The following FGF14 variants were observed in gnomAD, a reference collection of about 807,000 sequenced individuals.
FGF14 encodes the protein fibroblast growth factor homologous factor 4.
Under a neutral mutation model 25.5 loss-of-function variants are expected in FGF14, and 5 were observed. The ratio of observed to expected loss-of-function variants is 0.20; its 90% CI spans 0.10 to 0.41. FGF14 has a LOEUF of 0.41. FGF14 is among the 10% of genes least tolerant of loss of function. FGF14 has a pLI of 1.00. For missense variants in FGF14, 222 were observed against 320.1 expected, an observed-to-expected ratio of 0.69 and a Z score of 2.34; for synonymous variants, 138 against 118.3, an observed-to-expected ratio of 1.17 and a Z score of -1.08.
In FGF14 at chr13:101,869,816, T is replaced by C. The variant is rs1351260242; in HGVS notation, c.305-988A>G. 2.6e-5 allele frequency among the ~76,000 whole-genome samples: 4 copies of C among 152,156 alleles called. No homozygotes were observed. The South Asian group carries it at 6.2e-4, about 24-fold the overall frequency. The stretch of plus-strand genomic sequence containing the variant: ...GCACAAAACCAAGTCATTTGAAAAA[T>C]GTGGGCAATTTGGACTTCATTCCAA... On this transcript the variant is annotated intron_variant, in intron 2 of 4. Coordinates refer to ENST00000376143, the MANE Select transcript of FGF14 (RefSeq NM_004115.4).
rs569219541 is a variant in FGF14 at position 102,383,392 on chromosome 13, A to G, written c.208+18079T>C. On this transcript the variant is annotated intron_variant, in intron 1 of 4. Coordinates refer to the FGF14 transcript ENST00000376131. ...AAAGGCCCTAAAAGCATTGTCAATC[A>G]GCTTTGTTGGACAATAAACCAATTT... 1.5e-3 allele frequency among the ~76,000 whole-genome samples: 230 copies of G among 152,342 alleles called. 3 individuals are homozygous for G. Among genetic ancestry groups the G allele is most frequent in the African/African-American group, 5.1e-3 (212 of 41,590 alleles).
chr13:102,026,041 A>G (rs2040907891), intron 1 of FGF14, among the ~76,000 whole-genome samples: 1 of 151,988 alleles, frequency 6.6e-6, no homozygotes, highest in Non-Finnish European at 1.5e-5. Flanking sequence ...TCTAGGGGGA[A>G]ATCATTCAGT....
chr13:101,783,234 G>A (rs1028910246), intron 3 of FGF14, among the ~76,000 whole-genome samples: 2 of 152,084 alleles, frequency 1.3e-5, no homozygotes, highest in African/African-American at 4.8e-5. Flanking sequence ...CACTTTGGGA[G>A]GCTGAGGCGG....
Position 101,916,550 on chromosome 13 carries a change from G to A in FGF14, c.96C>T (p.Ser32=). Residue 32 remains serine, a synonymous_variant, in exon 1 of 5, where the codon AGC becomes AGT. Coordinates refer to ENST00000376143, the MANE Select transcript of FGF14 (RefSeq NM_004115.4). ...DRPSASRRRS[S]PSKNRGLCNG... is the part of the protein sequence containing the mutation. ...TGCAGAGCCCGCGGTTCTTGCTGGG[G>A]CTGCTCCGCCTCCTGCTGGCAGACG... 6.2e-7 allele frequency: 1 copy of A among 1,613,336 alleles called. No individual in the cohort carries two copies. The highest frequency in any genetic ancestry group is 8.5e-7 in the Non-Finnish European group (1 of 1,179,850).
intron 3 of FGF14, among the ~76,000 whole-genome samples, chr13:101,757,832 C>T (rs1396596964): frequency 6.6e-6 from 1 of 152,050 alleles, no homozygotes; most frequent in Non-Finnish European, 1.5e-5. Context: ...ATTCAAAGAC[C>T]CACTAAGCTT....
intron 4 of FGF14, among the ~76,000 whole-genome samples, chr13:101,725,475 A>T (rs2035356538): frequency 1.3e-5 from 2 of 152,108 alleles, no homozygotes; most frequent in Non-Finnish European, 2.9e-5. Context: ...AGTGACACTA[A>T]GTCAACATCA....
At chr13:101,884,785 A>G (rs2045904670) in intron 1 of FGF14, among the ~76,000 whole-genome samples, 1 of 152,048 alleles carries the variant, frequency 6.6e-6, no homozygotes, top group East Asian at 1.9e-4. Context: ...AACGGTGGAA[A>G]TGTATTATCA....
chr13:101,736,044 C>T (rs528805218), intron 3 of FGF14, among the ~76,000 whole-genome samples: 1 of 152,206 alleles, frequency 6.6e-6, no homozygotes, highest in East Asian at 1.9e-4. Context: ...CTTTGTTTGA[C>T]AAATACTCAG....
intron 1 of FGF14, among the ~76,000 whole-genome samples, chr13:102,401,226 G>A (rs2058697249): frequency 6.8e-6 from 1 of 147,100 alleles, no homozygotes; most frequent in African/African-American, 2.6e-5. Context: ...AAAAAAAAAA[G>A]TTTCCTCCTC....
intron 1 of FGF14, among the ~76,000 whole-genome samples, chr13:102,166,404 A>ACAAGTGCAGCATAGAGGAAAATGCCAGT (rs1418380213): frequency 4.1e-4 from 63 of 152,250 alleles, no homozygotes; most frequent in African/African-American, 1.3e-3. Context: ...TCATTAACAG[A>ACAAGTGCAGCATAGAGGAAAATGCCAGT]CAAGTGCAGC....
At chr13:102,359,348 G>A (rs1338422583) in intron 1 of FGF14, among the ~76,000 whole-genome samples, 1 of 152,116 alleles carries the variant, frequency 6.6e-6, no homozygotes, top group African/African-American at 2.4e-5. Flanking sequence ...AAAAGAATAT[G>A]TGCTTCACAT....
At chr13:102,143,638 C>A (rs1037827687) in intron 1 of FGF14, among the ~76,000 whole-genome samples, 1 of 152,158 alleles carries the variant, frequency 6.6e-6, no homozygotes, top group Non-Finnish European at 1.5e-5. Context: ...CCAGTAATTT[C>A]TGGATTTGAG....
At chr13:102,290,251 A>G (rs1390638253) in intron 1 of FGF14, among the ~76,000 whole-genome samples, 2 of 152,132 alleles carry the variant, frequency 1.3e-5, no homozygotes, top group Non-Finnish European at 2.9e-5. Context: ...GGAAACAGAC[A>G]GCTCTCTTGT....
intron 1 of FGF14, among the ~76,000 whole-genome samples, chr13:102,205,984 T>TAAAA (rs36108366): frequency 3.8e-4 from 18 of 47,460 alleles, no homozygotes; most frequent in South Asian, 1.4e-3. Flanking sequence ...CTCCCTGTGG[T>TAAAA]AAAAAAAAAA....
chr13:102,375,222 A>G (rs1258042589), intron 1 of FGF14, among the ~76,000 whole-genome samples: 4 of 152,064 alleles, frequency 2.6e-5, no homozygotes, highest in Non-Finnish European at 5.9e-5. Flanking sequence ...ACACCCCACA[A>G]ATGAAATCTA....
At chr13:101,871,973 G>A (rs570969147) in intron 2 of FGF14, among the ~76,000 whole-genome samples, 3 of 152,062 alleles carry the variant, frequency 2.0e-5, no homozygotes, top group Middle Eastern at 3.4e-3. Flanking sequence ...GGGCACCAAC[G>A]TTTGCCTACC....
intron 1 of FGF14, among the ~76,000 whole-genome samples, chr13:101,910,357 A>G (rs1305349027): frequency 6.6e-6 from 1 of 152,196 alleles, no homozygotes; most frequent in Admixed American, 6.5e-5. Context: ...CTTCTGCTGC[A>G]TATATGTCCT....
intron 1 of FGF14, among the ~76,000 whole-genome samples, chr13:101,984,798 A>G (rs1044927245): frequency 1.3e-5 from 2 of 152,190 alleles, no homozygotes; most frequent in African/African-American, 4.8e-5. Flanking sequence ...AATTTTAAGA[A>G]AAGTGATATT....
chr13:102,264,809 G>C (rs554602281), intron 1 of FGF14, among the ~76,000 whole-genome samples: 1 of 152,070 alleles, frequency 6.6e-6, no homozygotes, highest in Non-Finnish European at 1.5e-5. Flanking sequence ...TGACTGTCAG[G>C]AGGAGGGTAT....
Sources: gnomAD v4.1 joint callset for allele counts (sites outside exome capture counted in the v4.1 genomes callset) on GRCh38, gnomAD v4.1.1 for gene constraint, MANE v1.5 for transcripts, NCBI Gene and HGNC (gene_info 2026-07-23, HGNC 2026-07-21) for gene names.